OSBPL11: variants seen among roughly 807,000 people sequenced by gnomAD.
The protein encoded by OSBPL11 is oxysterol binding protein like 11.
A neutral mutation model predicts 84.4 loss-of-function variants in OSBPL11; 33 were observed. That is an observed-to-expected ratio of 0.39 (90% CI 0.30 to 0.52). The LOEUF is 0.52. Among genes scored for constraint, OSBPL11 ranks in the 20% least tolerant of loss-of-function variants. OSBPL11 has a pLI of 0.72. For missense variants in OSBPL11, 736 were observed against 901.1 expected, an observed-to-expected ratio of 0.82 and a Z score of 2.35; for synonymous variants, 276 against 310.2, an observed-to-expected ratio of 0.89 and a Z score of 1.16.
intron 10 of OSBPL11, among the ~76,000 whole-genome samples, chr3:125,543,392 A>C (rs1935763172): frequency 6.6e-6 from 1 of 151,448 alleles, no homozygotes; most frequent in Non-Finnish European, 1.5e-5. Flanking sequence ...TCGGCCTCCC[A>C]AAGTACTGAG....
chr3:125,531,918 T>G lies in OSBPL11; in HGVS notation c.2121A>C (p.Glu707Asp), dbSNP rs755110655. 6.2e-7 allele frequency: 1 copy of G among 1,614,146 alleles called. No homozygotes were observed. Among genetic ancestry groups the G allele is most frequent in the East Asian group, 2.2e-5 (1 of 44,866 alleles). ...KHTLEERQRT[E>D]ERHRTETGTP... ...TGCCTGTTTCAGTACGATGCCTTTCTTCAGTCCTCTGACGTTCTTCCAGGG... is the reference window on the plus strand; with the variant it reads ...TGCCTGTTTCAGTACGATGCCTTTCGTCAGTCCTCTGACGTTCTTCCAGGG... The change falls in exon 12 of 13, where the codon GAA becomes GAC. Residue 707 changes from glutamate to aspartate, a missense_variant. Transcript: ENST00000296220.
At chr3:125,558,054 A>G (rs577573489) in intron 8 of OSBPL11, among the ~76,000 whole-genome samples, 2 of 152,230 alleles carry the variant, frequency 1.3e-5, no homozygotes, top group South Asian at 2.1e-4. Flanking sequence ...TTGGCCTCCT[A>G]AAGTGCTGCG....
At chr3:125,583,117 G>C (rs1936452728) in intron 1 of OSBPL11, 139 bp from the exon 2 acceptor site, 7 of 563,846 alleles carry the variant, frequency 1.2e-5, no homozygotes, top group Non-Finnish European at 2.2e-5. Context: ...AAAATGTATA[G>C]GTCAACAGAG....
At chr3:125,548,308 T>C (rs756972581) in intron 9 of OSBPL11, among the ~76,000 whole-genome samples, 2 of 152,222 alleles carry the variant, frequency 1.3e-5, no homozygotes, top group Non-Finnish European at 2.9e-5. Context: ...TATAAAGTCA[T>C]AGACATTCAT....
At chr3:125,536,014 A>G (rs1426213006) in intron 11 of OSBPL11, among the ~76,000 whole-genome samples, 2 of 151,818 alleles carry the variant, frequency 1.3e-5, no homozygotes, top group Admixed American at 6.6e-5. Flanking sequence ...GTGCACCTGT[A>G]ATCCCAGCTA....
intron 6 of OSBPL11, among the ~76,000 whole-genome samples, chr3:125,567,128 T>G (rs1936167735): frequency 6.6e-6 from 1 of 152,134 alleles, no homozygotes; most frequent in Non-Finnish European, 1.5e-5. Flanking sequence ...ACATTTTGAG[T>G]TCAGTTTTTG....
chr3:125,530,645 G>C, intron 12 of OSBPL11, 65 bp from the exon 13 acceptor site: 1 of 1,239,804 alleles, frequency 8.1e-7, no homozygotes, highest in East Asian at 2.3e-5. Context: ...ACCAAAACTA[G>C]AAGCAACACC....
At position 125,529,709 on chromosome 3, in the gene OSBPL11, T is replaced by A. The variant is rs911608729; in HGVS notation, c.*806A>T. ...CCTTAGTTCTGGAGAAAGGCTAAAA[T>A]CTCATCATATTGACATTAACACATT... On this transcript the variant is annotated 3_prime_UTR_variant, in exon 13 of 13. Coordinates refer to ENST00000296220, the MANE Select transcript of OSBPL11 (RefSeq NM_022776.5). 6.6e-6 allele frequency: 1 copy of A among 152,626 alleles called. No homozygotes were observed. Among genetic ancestry groups the A allele is most frequent in the African/African-American group, 2.4e-5 (1 of 41,462 alleles). 9.5% of individuals were successfully genotyped at this position (152,626 alleles called of 1,614,324 possible). A position where few individuals can be genotyped will look rare whatever the true frequency, so the allele number is the denominator to read the frequency against.
intron 8 of OSBPL11, among the ~76,000 whole-genome samples, chr3:125,557,518 A>C (rs1226823251): frequency 6.6e-6 from 1 of 152,104 alleles, no homozygotes; most frequent in Non-Finnish European, 1.5e-5. Context: ...AGCAGCTGAG[A>C]TTACAGGCGT....
At chr3:125,563,955 C>G in intron 6 of OSBPL11, 112 bp from the exon 7 acceptor site, 1 of 1,215,064 alleles carries the variant, frequency 8.2e-7, no homozygotes, top group Non-Finnish European at 1.1e-6. Context: ...AGCAATTAAA[C>G]CTGTTAAGAG....
In OSBPL11 at chr3:125,588,115, G is replaced by C. The variant is rs576585334; in HGVS notation, c.165-5137C>G. Among the ~76,000 whole-genome samples the C allele has an allele frequency of 2.0e-5, 3 of 152,036 alleles. No individual in the cohort carries two copies. The South Asian group carries it at 6.2e-4, about 32-fold the overall frequency. On this transcript the variant is annotated intron_variant, in intron 1 of 12. Transcript: ENST00000296220. ...TGCATGCCTGTAGTCCCAGCTACTT[G>C]GGAGGCTGAGGCAGGAGAATTGCTT...
At chr3:125,579,204 G>A (rs878901424) in intron 3 of OSBPL11, among the ~76,000 whole-genome samples, 165 bp from the exon 4 acceptor site, 4 of 152,290 alleles carry the variant, frequency 2.6e-5, no homozygotes, top group East Asian at 1.9e-4. Flanking sequence ...AAGCACCAAC[G>A]TTGTTAGGGA....
At chr3:125,543,888 A>C (rs1189016738) in intron 10 of OSBPL11, among the ~76,000 whole-genome samples, 1 of 152,140 alleles carries the variant, frequency 6.6e-6, no homozygotes, top group African/African-American at 2.4e-5. Flanking sequence ...CGACAGAGTG[A>C]GACTCCATCT....
intron 10 of OSBPL11, among the ~76,000 whole-genome samples, chr3:125,539,729 G>A (rs1935699176): frequency 6.6e-6 from 1 of 152,112 alleles, no homozygotes; most frequent in African/African-American, 2.4e-5. Context: ...GATTACAGGC[G>A]TGAGCCACTG....
chr3:125,543,899 CAAAAATAAAAATAAA>C (rs888603162), intron 10 of OSBPL11, among the ~76,000 whole-genome samples: 2 of 151,520 alleles, frequency 1.3e-5, no homozygotes, highest in African/African-American at 4.8e-5. Context: ...GACTCCATCT[CAAAAATAAAAATAAA>C]AAAAATAAAA....
At chr3:125,581,718 A>C (rs1304511580) in intron 2 of OSBPL11, among the ~76,000 whole-genome samples, 2 of 148,164 alleles carry the variant, frequency 1.3e-5, no homozygotes, top group African/African-American at 2.5e-5. Context: ...AAAAAAAAAA[A>C]AGTAACTCTA....
At chr3:125,547,686 CATCA>C in intron 9 of OSBPL11, 94 bp from the exon 10 acceptor site, 5 of 973,070 alleles carry the variant, frequency 5.1e-6, no homozygotes, top group Non-Finnish European at 7.4e-6. Flanking sequence ...AGTAAATAAG[CATCA>C]TTATTTTTCC....
chr3:125,530,425 A>G lies in OSBPL11; in HGVS notation c.*90T>C. On this transcript the variant is annotated 3_prime_UTR_variant, in exon 13 of 13. Coordinates refer to ENST00000296220, the MANE Select transcript of OSBPL11 (RefSeq NM_022776.5). The stretch of plus-strand genomic sequence containing the variant: ...CTAGTTTCAGTCTGCGCAATCAGGA[A>G]GCAGGTCACTCAGTGCAATGACTCC... 5.1e-6 allele frequency: 6 copies of G among 1,177,346 alleles called. No individual in the cohort carries two copies. Among genetic ancestry groups the G allele is most frequent in the Non-Finnish European group, 3.8e-6 (3 of 788,602 alleles). 72.9% of individuals were successfully genotyped at this position (1,177,346 alleles called of 1,614,324 possible).
intron 7 of OSBPL11, 114 bp from the exon 8 acceptor site, chr3:125,560,633 G>C: frequency 1.1e-6 from 1 of 928,568 alleles, no homozygotes; most frequent in Non-Finnish European, 1.5e-6. Context: ...AAGTGAATCT[G>C]AGTATGGGCA....
Sources: gnomAD v4.1 joint callset for allele counts (sites outside exome capture counted in the v4.1 genomes callset) on GRCh38, gnomAD v4.1.1 for gene constraint, MANE v1.5 for transcripts, NCBI Gene and HGNC (gene_info 2026-07-23, HGNC 2026-07-21) for gene names.